The following MICAL3 variants were observed in gnomAD, a reference collection of about 807,000 sequenced individuals.
MICAL3 encodes the protein microtubule associated monooxygenase, calponin and LIM domain containing 3.
MICAL3 carries 62 observed loss-of-function variants against 207.4 expected under a neutral mutation model. The ratio of observed to expected loss-of-function variants is 0.30; its 90% CI spans 0.24 to 0.37. The LOEUF is 0.37. MICAL3 is among the 10% of genes least tolerant of loss of function. MICAL3 has a pLI of 1.00. For missense variants in MICAL3, 2,368 were observed against 2,635.6 expected (o/e 0.90, Z 2.22); for synonymous variants, 1,077 against 1,069.3 (o/e 1.01, Z -0.14).
At chr22:17,972,702 G>C (rs532360923) in intron 1 of MICAL3, among the ~76,000 whole-genome samples, 150 of 152,294 alleles carry the variant, frequency 9.8e-4, no homozygotes, top group Non-Finnish European at 1.6e-3. Flanking sequence ...AAAGGGCAAG[G>C]GCAGAGAGCT....
rs576266659 is a variant in MICAL3, at chr22:17,930,849, C to G, written c.-74-23963G>C. Among the ~76,000 whole-genome samples the G allele has an allele frequency of 2.0e-5, 3 of 152,354 alleles. No homozygotes were observed. The East Asian group carries it at 5.8e-4, about 29-fold the overall frequency. On this transcript the variant is annotated intron_variant, in intron 1 of 31. Coordinates refer to ENST00000441493, the MANE Select transcript of MICAL3 (RefSeq NM_015241.3). ...GGGCACCTGGAGGTTCCAGCCTGCC[C>G]CACTCTCCACACTGCGGCCAGCTCC...
intron 20 of MICAL3, chr22:17,834,426 T>C: frequency 4.7e-6 from 6 of 1,286,068 alleles, no homozygotes; most frequent in Non-Finnish European, 6.1e-6. Context: ...GAAAAGACTC[T>C]TATGCTCAGC....
chr22:18,014,519 T>C (rs916734690), intron 1 of MICAL3, among the ~76,000 whole-genome samples: 3 of 152,144 alleles, frequency 2.0e-5, no homozygotes, highest in Admixed American at 6.5e-5. Flanking sequence ...CACTTAAACA[T>C]CTACATTAGG....
chr22:17,801,235 C>T (rs1358447704), intron 29 of MICAL3, among the ~76,000 whole-genome samples: 2 of 54,776 alleles, frequency 3.7e-5, no homozygotes, highest in Non-Finnish European at 3.1e-5. Context: ...TCACTGCAAG[C>T]TCCGCCTCCC....
intron 1 of MICAL3, among the ~76,000 whole-genome samples, chr22:17,992,285 CA>C (rs1204848060): frequency 2.0e-5 from 3 of 152,166 alleles, no homozygotes; most frequent in Non-Finnish European, 4.4e-5. Flanking sequence ...ATCCTGTTTG[CA>C]AAACACAAAC....
chr22:17,865,461 G>C (rs1445110147), intron 18 of MICAL3, among the ~76,000 whole-genome samples: 2 of 152,214 alleles, frequency 1.3e-5, no homozygotes, highest in Non-Finnish European at 2.9e-5. Flanking sequence ...ATAACTCACA[G>C]AACTAGTGAA....
chr22:17,838,023 T>C (rs1923583937), intron 20 of MICAL3, among the ~76,000 whole-genome samples: 1 of 152,158 alleles, frequency 6.6e-6, no homozygotes, highest in Non-Finnish European at 1.5e-5. Flanking sequence ...GAGTCTGATC[T>C]TGAACTCCTA....
In MICAL3 at chr22:17,834,525, G is replaced by T. The variant is rs1014147298; in HGVS notation, c.2802-2418C>A. On this transcript the variant is annotated intron_variant, in intron 20 of 31. Coordinates refer to ENST00000441493, the MANE Select transcript of MICAL3 (RefSeq NM_015241.3). ...GAGCCCAGGAGTTTGAGACCATCCTGGGCAACCATGGGGAGACCCAGTCTC... is the reference window on the plus strand; with the variant it reads ...GAGCCCAGGAGTTTGAGACCATCCTTGGCAACCATGGGGAGACCCAGTCTC... The T allele has an allele frequency of 2.5e-6, 3 of 1,213,280 alleles. No individual in the cohort carries two copies. The Admixed American group carries it at 9.4e-5, about 38-fold the overall frequency. The allele number at this position is 1,213,280 out of a possible 1,614,324, so 75.2% of individuals were successfully genotyped here. A position where few individuals can be genotyped will look rare whatever the true frequency, so the allele number is the denominator to read the frequency against.
chr22:17,919,102 ACT>A (rs994146946), intron 1 of MICAL3, among the ~76,000 whole-genome samples: 9 of 122,278 alleles, frequency 7.4e-5, no homozygotes, highest in African/African-American at 4.2e-4. Flanking sequence ...AGACAGGCTC[ACT>A]CTGTCACCCA....
intron 1 of MICAL3, among the ~76,000 whole-genome samples, chr22:17,929,831 G>T (rs1287312163): frequency 1.3e-5 from 2 of 152,200 alleles, no homozygotes; most frequent in African/African-American, 2.4e-5. Flanking sequence ...GCCTCCCAAA[G>T]TGCTGGGATT....
chr22:17,887,791 G>A (rs1007124095), intron 13 of MICAL3, among the ~76,000 whole-genome samples: 1 of 152,216 alleles, frequency 6.6e-6, no homozygotes, highest in African/African-American at 2.4e-5. Flanking sequence ...TCAGGACAGA[G>A]AGAGAGGGAG....
intron 16 of MICAL3, among the ~76,000 whole-genome samples, chr22:17,872,466 T>C (rs1179576963): frequency 2.0e-5 from 3 of 152,084 alleles, no homozygotes; most frequent in Admixed American, 6.5e-5. Flanking sequence ...GGCCCGAGGG[T>C]CCCCAGCTCA....
At position 17,810,404 on chromosome 22, in the gene MICAL3, G is replaced by A. The variant is rs371526351; in HGVS notation, c.5556+299C>T. Reference sequence around the variant, plus strand: ...GTAGAGACGGGGTTTTGCCATGTTGGCCAGGCTGGTCTCGAACTCCTGACC... The same window carrying A: ...GTAGAGACGGGGTTTTGCCATGTTGACCAGGCTGGTCTCGAACTCCTGACC... On this transcript the variant is annotated intron_variant, in intron 28 of 31. Transcript: ENST00000441493. Among the ~76,000 whole-genome samples, 3 of 151,798 alleles carry A rather than the reference G, an allele frequency of 2.0e-5. No homozygotes were observed. In the South Asian group the frequency reaches 6.3e-4, roughly 32 times the overall value.
intron 16 of MICAL3, chr22:17,872,826 A>G: frequency 6.2e-7 from 1 of 1,612,754 alleles, no homozygotes. Context: ...CAATGAGCTC[A>G]CTCCGCCCGT....
chr22:17,972,133 G>A (rs1183416124), intron 1 of MICAL3, among the ~76,000 whole-genome samples: 2 of 152,204 alleles, frequency 1.3e-5, no homozygotes, highest in African/African-American at 4.8e-5. Flanking sequence ...TTACAAACCA[G>A]TGGCTATTTA....
At chr22:17,816,609 C>T in intron 27 of MICAL3, 81 bp downstream of exon 27, 9 of 1,166,858 alleles carry the variant, frequency 7.7e-6, no homozygotes, top group Non-Finnish European at 1.1e-5. Flanking sequence ...GGTTTGCTCT[C>T]CCTCTCCTCT....
At chr22:17,948,278 G>A (rs2146351963) in intron 1 of MICAL3, among the ~76,000 whole-genome samples, 1 of 152,370 alleles carries the variant, frequency 6.6e-6, no homozygotes, top group African/African-American at 2.4e-5. Flanking sequence ...TGTTTCCACA[G>A]TGCCGCCACA....
intron 19 of MICAL3, among the ~76,000 whole-genome samples, chr22:17,849,686 GTAT>G (rs1925070674): frequency 8.9e-5 from 5 of 56,198 alleles, no homozygotes; most frequent in South Asian, 8.5e-4. Flanking sequence ...GTGTGTGTGT[GTAT>G]TTTTTTTTTT....
At chr22:17,830,270 G>A (rs757519039) in intron 21 of MICAL3, among the ~76,000 whole-genome samples, 2 of 152,134 alleles carry the variant, frequency 1.3e-5, no homozygotes, top group African/African-American at 4.8e-5. Flanking sequence ...AGGCACCGTC[G>A]GCTGCCCGAC....
Sources: allele counts gnomAD v4.1 joint callset (sites outside exome capture counted in the v4.1 genomes callset), GRCh38; gene constraint gnomAD v4.1.1; transcripts MANE v1.5; gene names NCBI Gene and HGNC (gene_info 2026-07-23, HGNC 2026-07-21).